Variants in ZNF585B observed in about 807,000 individuals in gnomAD.
The protein encoded by ZNF585B is zinc finger protein 585B.
A neutral mutation model predicts 14.0 loss-of-function variants in ZNF585B; 7 were observed. That is an observed-to-expected ratio of 0.50 (90% CI 0.28 to 0.94). ZNF585B has a LOEUF of 0.94. Among genes scored for constraint, ZNF585B ranks in the 40% least tolerant of loss-of-function variants. The probability of loss-of-function intolerance (pLI) is 0.09; values close to 1 mark genes in which losing one functional copy is unlikely to be tolerated. For missense variants in ZNF585B, 750 were observed against 924.4 expected (o/e 0.81, Z 2.45); for synonymous variants, 290 against 317.3 (o/e 0.91, Z 0.91).
At position 37,208,251 on chromosome 19, in the gene ZNF585B, G is replaced by A. The variant is rs576514443; in HGVS notation, c.-143-997C>T. Among the ~76,000 whole-genome samples the A allele has an allele frequency of 3.3e-5, 5 of 152,208 alleles. No individual in the cohort carries two copies. In the East Asian group the frequency reaches 9.7e-4, roughly 29 times the overall value. ...CTCCCAAAGTGCTGGGATTACAGGC[G>A]TGAGCCACCGCGCCCAACCCACCTC... On this transcript the variant is annotated intron_variant, in intron 1 of 4. Coordinates refer to ENST00000532828, the MANE Select transcript of ZNF585B (RefSeq NM_152279.4).
At position 37,181,937 on chromosome 19, in the gene ZNF585B, T is replaced by A. The variant is rs1228828793; in HGVS notation, c.*3290A>T. The A allele has an allele frequency of 6.6e-6, 1 of 152,150 alleles. No homozygotes were observed. Among genetic ancestry groups the A allele is most frequent in the Non-Finnish European group, 1.5e-5 (1 of 68,024 alleles). The allele number at this position is 152,150 out of a possible 1,614,324, so 9.4% of individuals were successfully genotyped here. On this transcript the variant is annotated 3_prime_UTR_variant, in exon 5 of 5. Transcript: ENST00000532828. The stretch of plus-strand genomic sequence containing the variant: ...TAATGCATACATGTCATTATTCATT[T>A]GTCTCAACCCACAGAATGCACATCA...
At chr19:37,200,240 T>C (rs918378323) in intron 2 of ZNF585B, among the ~76,000 whole-genome samples, 3 of 151,170 alleles carry the variant, frequency 2.0e-5, no homozygotes, top group Non-Finnish European at 2.9e-5. Context: ...TTGAAAGCAA[T>C]GAAAAGACCC....
chr19:37,207,204 G>A lies in ZNF585B; in HGVS notation c.-93C>T. 6.4e-7 allele frequency: 1 copy of A among 1,573,714 alleles called. No individual in the cohort carries two copies. Among genetic ancestry groups the A allele is most frequent in the Non-Finnish European group, 8.6e-7 (1 of 1,162,428 alleles). Reference sequence around the variant, plus strand: ...CAGAGCTGCTCCGAAGAGGTGGGCTGGAGTCTGGAGGAAGGTCTGGCCCAG... The same window carrying A: ...CAGAGCTGCTCCGAAGAGGTGGGCTAGAGTCTGGAGGAAGGTCTGGCCCAG... On this transcript the variant is annotated 5_prime_UTR_variant, in exon 2 of 5. The change creates a premature stop within an existing upstream ORF in the 5' untranslated region. Transcript: ENST00000532828.
At chr19:37,198,529 A>G (rs557861206) in intron 2 of ZNF585B, among the ~76,000 whole-genome samples, 139 of 152,056 alleles carry the variant, frequency 9.1e-4, no homozygotes, top group African/African-American at 3.1e-3. Flanking sequence ...TGAGGTCAGG[A>G]GTTCAATATC....
At chr19:37,192,049 G>T (rs1972407592) in intron 2 of ZNF585B, among the ~76,000 whole-genome samples, 1 of 151,812 alleles carries the variant, frequency 6.6e-6, no homozygotes, top group African/African-American at 2.4e-5. Flanking sequence ...AAGAAAGAAA[G>T]AAATAGGCTG....
Position 37,199,115 on chromosome 19 carries a change from T to C in ZNF585B, c.72+7925A>G, listed in dbSNP as rs527773574. 1.9e-4 allele frequency: 167 copies of C among 873,044 alleles called. 1 individual carries two copies. In the South Asian group the frequency reaches 2.6e-3, roughly 14 times the overall value. The allele number at this position is 873,044 out of a possible 1,614,324, so 54.1% of individuals were successfully genotyped here. On this transcript the variant is annotated intron_variant, in intron 2 of 4. Transcript: ENST00000532828. The stretch of plus-strand genomic sequence containing the variant: ...ATCATACACTTGTATAGTCACACCC[T>C]ACACACACCAAACTCCCCAACCCCC...
chr19:37,186,396 G>T lies in ZNF585B; in HGVS notation c.1141C>A (p.Pro381Thr). The T allele has an allele frequency of 1.2e-6, 2 of 1,614,148 alleles. No homozygotes were observed. The highest frequency in any genetic ancestry group is 1.7e-6 in the Non-Finnish European group (2 of 1,180,042). The change falls in exon 5 of 5, where the codon CCT becomes ACT. Residue 381 changes from proline (P) to threonine (T), a missense_variant. Around this residue, in one of 2 missense-constraint regions of ZNF585B, gnomAD observed 517 missense variants for 570.3 expected, o/e 0.91. Coordinates refer to ENST00000532828, the MANE Select transcript of ZNF585B (RefSeq NM_152279.4). ...IHQRIHTGEK[P>T]YECSDCGRAF... Reference sequence around the variant, plus strand: ...CTCCCACAGTCACTGCATTCATAAGGTTTCTCTCCAGTGTGAATTCTCTGA... The same window carrying T: ...CTCCCACAGTCACTGCATTCATAAGTTTTCTCTCCAGTGTGAATTCTCTGA...
chr19:37,194,520 G>A (rs1266965212), intron 2 of ZNF585B, among the ~76,000 whole-genome samples: 2 of 152,086 alleles, frequency 1.3e-5, no homozygotes, highest in Non-Finnish European at 2.9e-5. Flanking sequence ...GGCTGAGGGA[G>A]GAGAATTGTT....
chr19:37,210,228 GCCCT>G (rs893495861), intron 1 of ZNF585B, among the ~76,000 whole-genome samples: 1 of 151,716 alleles, frequency 6.6e-6, no homozygotes, highest in Non-Finnish European at 1.5e-5. Flanking sequence ...GACCCTACAG[GCCCT>G]CAGTCACTGA....
rs368777416 is a variant in ZNF585B at position 37,186,232 on chromosome 19, C to T, written c.1305G>A (p.Glu435=). 2 of 1,614,150 alleles carry T rather than the reference C, an allele frequency of 1.2e-6. No individual in the cohort carries two copies. The highest frequency in any genetic ancestry group is 1.7e-6 in the Non-Finnish European group (2 of 1,180,030). ...LITHQIIHTG[E]KPYKCGHCGK... ...CACAGTGACCACATTTATAAGGTTT[C>T]TCTCCAGTATGAATTATTTGATGTG... The change falls in exon 5 of 5, where the codon GAG becomes GAA. Residue 435 remains glutamate (E), a synonymous_variant. Coordinates refer to ENST00000532828, the MANE Select transcript of ZNF585B (RefSeq NM_152279.4).
intron 2 of ZNF585B, chr19:37,199,123 C>A: frequency 1.3e-6 from 1 of 743,946 alleles, no homozygotes; most frequent in Non-Finnish European, 2.2e-6. Context: ...CCTACACACA[C>A]CAAACTCCCC....
chr19:37,188,208 C>T (rs988075610), intron 4 of ZNF585B, among the ~76,000 whole-genome samples: 2 of 152,112 alleles, frequency 1.3e-5, no homozygotes, highest in African/African-American at 2.4e-5. Flanking sequence ...CAAACAAGCC[C>T]GGGCATGGTG....
intron 4 of ZNF585B, among the ~76,000 whole-genome samples, chr19:37,187,892 C>A (rs1972356878): frequency 6.6e-6 from 1 of 152,066 alleles, no homozygotes; most frequent in Non-Finnish European, 1.5e-5. Context: ...CATGGATAGA[C>A]ATGGAAAAAG....
intron 2 of ZNF585B, among the ~76,000 whole-genome samples, chr19:37,200,903 C>A (rs1462371937): frequency 6.6e-6 from 1 of 151,736 alleles, no homozygotes; most frequent in African/African-American, 2.4e-5. Flanking sequence ...CCATCCTGCC[C>A]AACGTGGTGA....
Position 37,207,030 on chromosome 19 carries a change from T to C in ZNF585B, c.72+10A>G. The C allele has an allele frequency of 6.2e-7, 1 of 1,613,614 alleles. No individual in the cohort carries two copies. The highest frequency in any genetic ancestry group is 8.5e-7 in the Non-Finnish European group (1 of 1,179,986). On this transcript the variant is annotated intron_variant, in intron 2 of 4. Coordinates refer to ENST00000532828, the MANE Select transcript of ZNF585B (RefSeq NM_152279.4). ...CTGAAATTCCACCCCTTGGGACTCCTCCTCCTCACCTCATAGGAGCTGCCA... is the reference window on the plus strand; with the variant it reads ...CTGAAATTCCACCCCTTGGGACTCCCCCTCCTCACCTCATAGGAGCTGCCA...
intron 2 of ZNF585B, among the ~76,000 whole-genome samples, chr19:37,200,038 C>T (rs984166595): frequency 4.8e-5 from 7 of 145,282 alleles, no homozygotes; most frequent in African/African-American, 1.3e-4. Flanking sequence ...AGCGAAACTC[C>T]GTCTCAAAAA....
intron 2 of ZNF585B, among the ~76,000 whole-genome samples, chr19:37,190,800 G>A (rs1972392541): frequency 2.6e-5 from 4 of 151,952 alleles, no homozygotes; most frequent in African/African-American, 4.8e-5. Flanking sequence ...TCCTGACCTC[G>A]TGATCTTCCC....
At position 37,187,091 on chromosome 19, in the gene ZNF585B, A is replaced by C. The variant is rs773697115; in HGVS notation, c.446T>G (p.Leu149Arg). The change falls in exon 5 of 5, where the codon CTG (leucine) becomes CGG (arginine). Residue 149 changes from leucine (L) to arginine (R), a missense_variant. Around this residue, in one of 2 missense-constraint regions of ZNF585B, gnomAD observed 517 missense variants for 570.3 expected, o/e 0.91. Coordinates refer to ENST00000532828, the MANE Select transcript of ZNF585B (RefSeq NM_152279.4). The part of the protein sequence containing the change: ...FTWKSQFKVH[L>R]KVPTGEKLYV... ...GAGTTTTTCTCCTGTAGGAACTTTCAGATGTACCTTGAACTGTGACTTCCA... is the reference window on the plus strand; with the variant it reads ...GAGTTTTTCTCCTGTAGGAACTTTCCGATGTACCTTGAACTGTGACTTCCA... 3.7e-6 allele frequency: 6 copies of C among 1,614,074 alleles called. No individual in the cohort carries two copies. In the Admixed American group the frequency reaches 1.0e-4, roughly 27 times the overall value.
chr19:37,204,839 TAG>T (rs1216158829), intron 2 of ZNF585B, among the ~76,000 whole-genome samples: 13 of 151,716 alleles, frequency 8.6e-5, no homozygotes, highest in Non-Finnish European at 1.5e-4. Context: ...CTCTGCCTCC[TAG>T]GTTCAAGCGA....
Sources: allele counts gnomAD v4.1 joint callset (sites outside exome capture counted in the v4.1 genomes callset), GRCh38; gene constraint gnomAD v4.1.1; regional missense constraint gnomAD v4.1.1; transcripts MANE v1.5; gene names NCBI Gene and HGNC (gene_info 2026-07-23, HGNC 2026-07-21).